The following ATP8A2 variants were observed in gnomAD, a reference collection of about 807,000 sequenced individuals.
ATP8A2 encodes the protein ATPase phospholipid transporting 8A2.
Under a neutral mutation model 165.6 loss-of-function variants are expected in ATP8A2, and 100 were observed. The ratio of observed to expected loss-of-function variants is 0.60; its 90% confidence interval spans 0.51 to 0.71. The LOEUF is 0.71. Ranked by LOEUF, ATP8A2 falls within the 30% of genes least tolerant of loss-of-function variation. The probability of loss-of-function intolerance (pLI) is 0.00; values close to 1 mark genes in which losing one functional copy is unlikely to be tolerated. For synonymous variants in ATP8A2, 543 were observed against 548.8 expected, an observed-to-expected ratio of 0.99 and a Z score of 0.15; for missense variants, 1,227 against 1,479.5, an observed-to-expected ratio of 0.83 and a Z score of 2.80.
intron 2 of ATP8A2, among the ~76,000 whole-genome samples, chr13:25,478,232 T>C (rs1351261357): frequency 6.6e-6 from 1 of 152,082 alleles, no homozygotes. Context: ...GCATAATGTC[T>C]GATCTAGTTG....
At chr13:25,652,800 C>T (rs991725498) in intron 24 of ATP8A2, among the ~76,000 whole-genome samples, 8 of 152,180 alleles carry the variant, frequency 5.3e-5, no homozygotes, top group African/African-American at 1.9e-4. Flanking sequence ...TGCTGAGATT[C>T]TTTCAGTTCC....
chr13:25,708,255 C>T (rs1463571261), intron 25 of ATP8A2, among the ~76,000 whole-genome samples: 3 of 152,176 alleles, frequency 2.0e-5, no homozygotes, highest in Non-Finnish European at 2.9e-5. Flanking sequence ...TGGAATATGT[C>T]ATGAATATTT....
intron 35 of ATP8A2, among the ~76,000 whole-genome samples, chr13:25,983,699 G>A (rs1956217083): frequency 6.6e-6 from 1 of 152,156 alleles, no homozygotes. Flanking sequence ...ATCCTTTATG[G>A]AGATGTGAAT....
chr13:25,810,602 A>G (rs1207326929), intron 27 of ATP8A2, among the ~76,000 whole-genome samples: 1 of 152,182 alleles, frequency 6.6e-6, no homozygotes. Flanking sequence ...AATTGAATTA[A>G]TTAATCCTTT....
intron 1 of ATP8A2, among the ~76,000 whole-genome samples, chr13:25,373,100 G>T (rs986457286): frequency 1.3e-5 from 2 of 152,102 alleles, no homozygotes; most frequent in Non-Finnish European, 2.9e-5. Flanking sequence ...CACTTGATAG[G>T]GTTACCTAGA....
chr13:25,451,266 T>C (rs150765195), intron 1 of ATP8A2, among the ~76,000 whole-genome samples: 2 of 152,218 alleles, frequency 1.3e-5, no homozygotes, highest in Non-Finnish European at 2.9e-5. Flanking sequence ...GGTGTTCTAG[T>C]TTCCATTACA....
At chr13:25,488,113 G>A (rs1216480361) in intron 2 of ATP8A2, among the ~76,000 whole-genome samples, 1 of 152,144 alleles carries the variant, frequency 6.6e-6, no homozygotes, top group Non-Finnish European at 1.5e-5. Context: ...ATCCCTTCCT[G>A]TTTGACAGGT....
intron 27 of ATP8A2, among the ~76,000 whole-genome samples, chr13:25,810,572 C>T (rs1489142160): frequency 6.6e-6 from 1 of 151,224 alleles, no homozygotes; most frequent in Non-Finnish European, 1.5e-5. Flanking sequence ...CTGATATGTA[C>T]TCAATATTTA....
At chr13:25,768,896 C>A (rs2044552838) in intron 25 of ATP8A2, 150 bp from the exon 26 acceptor site, 2 of 754,262 alleles carry the variant, frequency 2.7e-6, no homozygotes, top group South Asian at 3.2e-5. Context: ...CTACTGTTTT[C>A]TGAAAGCTTC....
intron 1 of ATP8A2, among the ~76,000 whole-genome samples, chr13:25,443,628 C>A (rs1023628964): frequency 6.6e-6 from 1 of 152,220 alleles, no homozygotes; most frequent in Admixed American, 6.5e-5. Flanking sequence ...ATGGGCAATG[C>A]TGAGATTGTA....
intron 33 of ATP8A2, chr13:25,880,996 C>T (rs1481663102): frequency 8.9e-6 from 4 of 451,926 alleles, no homozygotes; most frequent in Non-Finnish European, 1.8e-5. Flanking sequence ...TTGTGTAGAC[C>T]TGGGCAAACA....
chr13:25,469,306 C>T (rs1228893121), intron 2 of ATP8A2, among the ~76,000 whole-genome samples, 185 bp downstream of exon 2: 1 of 151,622 alleles, frequency 6.6e-6, no homozygotes, highest in East Asian at 2.0e-4. Context: ...TAGGGTCATG[C>T]GAATGCAGCC....
intron 2 of ATP8A2, among the ~76,000 whole-genome samples, chr13:25,479,854 A>G (rs1168282680): frequency 2.0e-5 from 3 of 152,090 alleles, no homozygotes; most frequent in Middle Eastern, 3.4e-3. Flanking sequence ...AATTTTTCTT[A>G]GTACAGAACA....
Position 25,543,816 on chromosome 13 carries a change from C to T in ATP8A2, c.891+414C>T, listed in dbSNP as rs2038558874. Reference sequence around the variant, plus strand: ...AGTTATTTTTGAACCGTTTAGTTTTCATAGACCGAAGAAAAAAATGAAGTT... The same window carrying T: ...AGTTATTTTTGAACCGTTTAGTTTTTATAGACCGAAGAAAAAAATGAAGTT... On this transcript the variant is annotated intron_variant, in intron 10 of 36. Coordinates refer to ENST00000381655, the MANE Select transcript of ATP8A2 (RefSeq NM_016529.6). Among the ~76,000 whole-genome samples the T allele has an allele frequency of 2.6e-5, 4 of 152,158 alleles. No homozygotes were observed. In the South Asian group the frequency reaches 8.3e-4, roughly 32 times the overall value.
intron 27 of ATP8A2, among the ~76,000 whole-genome samples, chr13:25,797,562 A>C (rs993266103): frequency 6.6e-6 from 1 of 152,222 alleles, no homozygotes; most frequent in African/African-American, 2.4e-5. Flanking sequence ...AAACGATTTC[A>C]TCTGCAACTA....
Position 25,372,406 on chromosome 13 carries a change from G to A in ATP8A2, c.76+118G>A. The A allele has an allele frequency of 2.9e-6, 2 of 687,744 alleles. No homozygotes were observed. The highest frequency in any genetic ancestry group is 2.1e-6 in the Non-Finnish European group (1 of 485,042). 42.6% of individuals were successfully genotyped at this position (687,744 alleles called of 1,614,324 possible). A position where few individuals can be genotyped will look rare whatever the true frequency, so the allele number is the denominator to read the frequency against. On this transcript the variant is annotated intron_variant, in intron 1 of 36. Transcript: ENST00000381655. This position sits in a 1 kb window ranked among gnomAD's most constrained non-coding sequence, Gnocchi z 4.8. ...CCCCGCTCCCCTCCCTGGGCTCCCT[G>A]GGCTCTCTGGGCTGCAGGATCCGCC...
At chr13:25,643,090 C>T (rs932254092) in intron 24 of ATP8A2, among the ~76,000 whole-genome samples, 7 of 152,048 alleles carry the variant, frequency 4.6e-5, no homozygotes, top group Admixed American at 2.6e-4. Context: ...AGAGGGATAG[C>T]ATTAGGAGAT....
intron 2 of ATP8A2, among the ~76,000 whole-genome samples, chr13:25,528,743 T>A (rs61948613): frequency 0.12 from 16,328 of 139,380 alleles, 1,111 homozygotes; most frequent in South Asian, 0.18. Context: ...CATATGCAAC[T>A]TGTGTATGCA....
intron 33 of ATP8A2, among the ~76,000 whole-genome samples, chr13:25,946,395 C>T (rs554550882): frequency 2.6e-5 from 4 of 152,300 alleles, no homozygotes; most frequent in South Asian, 2.1e-4. Context: ...CAGCAGTGAC[C>T]ACAAGCAAGA....
Sources: gnomAD v4.1 joint callset for allele counts (sites outside exome capture counted in the v4.1 genomes callset) on GRCh38, gnomAD v4.1.1 for gene constraint, Gnocchi (gnomAD v3.1) non-coding constraint, MANE v1.5 for transcripts, NCBI Gene and HGNC (gene_info 2026-07-23, HGNC 2026-07-21) for gene names.